RGS22: variants seen among roughly 807,000 people sequenced by gnomAD.
RGS22 encodes regulator of G-protein signaling 22.
In RGS22, 148 loss-of-function variants were observed where a neutral mutation model predicts 172.9. That is an observed-to-expected ratio of 0.86 (90% confidence interval 0.75 to 0.98). RGS22 has a LOEUF of 0.98. Ranked by LOEUF, RGS22 falls within the 50% of genes least tolerant of loss-of-function variation. The pLI is 0.00. For missense variants in RGS22, 1,347 were observed against 1,440.8 expected (o/e 0.93, Z 1.05); for synonymous variants, 458 against 480.2 (o/e 0.95, Z 0.60).
chr8:100,034,277 C>T (rs1366595377), intron 14 of RGS22, among the ~76,000 whole-genome samples: 1 of 152,126 alleles, frequency 6.6e-6, no homozygotes, highest in Non-Finnish European at 1.5e-5. Flanking sequence ...TCTCAGGATA[C>T]AAAATCAATG....
chr8:100,011,226 A>G (rs919376031), intron 14 of RGS22, among the ~76,000 whole-genome samples: 1 of 152,238 alleles, frequency 6.6e-6, no homozygotes, highest in African/African-American at 2.4e-5. Context: ...ATTTTTACTT[A>G]AAGATATAAT....
rs139462956 is a variant in RGS22 at position 99,996,239 on chromosome 8, A to G, written c.3018+223T>C. 9.1e-3 allele frequency among the ~76,000 whole-genome samples: 1,388 copies of G among 152,294 alleles called. 17 individuals are homozygous for G. The highest frequency in any genetic ancestry group is 0.011 in the Non-Finnish European group (747 of 68,022). On this transcript the variant is annotated intron_variant, in intron 20 of 27. Transcript: ENST00000360863. ...TCAAACGTACACGTTGTGCACATGT[A>G]CCCTAGAACTTAAAGTATGTATATA...
At chr8:100,024,374 C>G (rs763359311) in intron 14 of RGS22, among the ~76,000 whole-genome samples, 1 of 147,290 alleles carries the variant, frequency 6.8e-6, no homozygotes, top group Non-Finnish European at 1.5e-5. Context: ...AATAAAAACA[C>G]TCAGCTGGCT....
intron 4 of RGS22, among the ~76,000 whole-genome samples, chr8:100,076,961 C>T (rs1162428108): frequency 6.6e-6 from 1 of 151,814 alleles, no homozygotes; most frequent in Non-Finnish European, 1.5e-5. Context: ...CCACTGCACT[C>T]CAGCCAGGGC....
chr8:99,964,274 G>A lies in RGS22; in HGVS notation c.3615+1061C>T, dbSNP rs191043804. On this transcript the variant is annotated intron_variant, in intron 24 of 27. Transcript: ENST00000360863. ...TTGAGAGCAGCCTGGGCAACATGGC[G>A]AAACCTCATCTCTATAAAAAATACA... Among the ~76,000 whole-genome samples, 651 of 152,118 alleles carry A rather than the reference G, an allele frequency of 4.3e-3. 7 individuals carry two copies. Among genetic ancestry groups the A allele is most frequent in the African/African-American group, 0.014 (595 of 41,520 alleles).
At chr8:100,062,110 A>C (rs562865513) in intron 9 of RGS22, among the ~76,000 whole-genome samples, 1 of 152,274 alleles carries the variant, frequency 6.6e-6, no homozygotes, top group African/African-American at 2.4e-5. Flanking sequence ...GAACACATGG[A>C]TACACAGAGG....
chr8:100,029,765 C>T (rs1357650565), intron 14 of RGS22, among the ~76,000 whole-genome samples: 3 of 144,906 alleles, frequency 2.1e-5, no homozygotes, highest in Non-Finnish European at 4.6e-5. Flanking sequence ...ATGTAAAAAA[C>T]CTGCATGCTC....
intron 14 of RGS22, among the ~76,000 whole-genome samples, chr8:100,011,606 T>G (rs1816394365): frequency 6.6e-6 from 1 of 152,164 alleles, no homozygotes; most frequent in Non-Finnish European, 1.5e-5. Context: ...GTTCAGGACC[T>G]GTCAGTGGGG....
At chr8:100,006,261 G>C in intron 15 of RGS22, 152 bp from the exon 16 acceptor site, 1 of 608,998 alleles carries the variant, frequency 1.6e-6, no homozygotes, top group East Asian at 2.9e-5. Flanking sequence ...GCTACAGCAG[G>C]GTCACACTTC....
In RGS22 at chr8:99,982,071, T is replaced by C. The variant is rs750896365; in HGVS notation, c.3226A>G (p.Ile1076Val). The change falls in exon 22 of 28, where the codon ATT becomes GTT. Residue 1076 changes from isoleucine (I) to valine (V), a missense_variant. Coordinates refer to ENST00000360863, the MANE Select transcript of RGS22 (RefSeq NM_015668.5). ...HCDESVIQKK[I>V]TTIINCFINS... Reference sequence around the variant, plus strand: ...ATAAAGCAGTTGATAATAGTTGTAATCTTCTTCTGGATGACAGACTCATCA... The same window carrying C: ...ATAAAGCAGTTGATAATAGTTGTAACCTTCTTCTGGATGACAGACTCATCA... 5 of 1,613,838 alleles carry C rather than the reference T, an allele frequency of 3.1e-6. No homozygotes were observed. Among genetic ancestry groups the C allele is most frequent in the Non-Finnish European group, 3.4e-6 (4 of 1,179,840 alleles).
At chr8:100,075,949 C>T (rs1563705260) in intron 4 of RGS22, among the ~76,000 whole-genome samples, 2 of 152,020 alleles carry the variant, frequency 1.3e-5, no homozygotes, top group African/African-American at 2.4e-5. Flanking sequence ...TAGTGTCCCA[C>T]TGTGATTTTG....
chr8:100,077,870 A>G (rs1049759542), intron 4 of RGS22, among the ~76,000 whole-genome samples: 1 of 152,052 alleles, frequency 6.6e-6, no homozygotes, highest in South Asian at 2.1e-4. Flanking sequence ...CATTTCTATC[A>G]GCTTTTGCAT....
At chr8:100,012,544 C>T (rs1056744758) in intron 14 of RGS22, among the ~76,000 whole-genome samples, 9 of 150,950 alleles carry the variant, frequency 6.0e-5, no homozygotes, top group Non-Finnish European at 1.2e-4. Flanking sequence ...ATGGTGCCAC[C>T]GTACTCCAGA....
intron 6 of RGS22, among the ~76,000 whole-genome samples, chr8:100,068,443 A>G (rs1332756128): frequency 6.6e-6 from 1 of 152,184 alleles, no homozygotes; most frequent in Non-Finnish European, 1.5e-5. Context: ...GTGAATACAA[A>G]TGAGTTTTTT....
At chr8:100,014,382 C>T (rs1264344165) in intron 14 of RGS22, among the ~76,000 whole-genome samples, 1 of 152,164 alleles carries the variant, frequency 6.6e-6, no homozygotes, top group Non-Finnish European at 1.5e-5. Flanking sequence ...CTACTTCTTA[C>T]ACTACTTCTC....
At chr8:100,008,807 C>T (rs1236612246) in intron 14 of RGS22, among the ~76,000 whole-genome samples, 2 of 152,138 alleles carry the variant, frequency 1.3e-5, no homozygotes, top group Admixed American at 1.3e-4. Context: ...TCTCAGATTA[C>T]AAAAATCTGA....
chr8:100,013,587 A>G (rs928623881), intron 14 of RGS22, among the ~76,000 whole-genome samples: 1 of 152,150 alleles, frequency 6.6e-6, no homozygotes, highest in African/African-American at 2.4e-5. Context: ...GATTGTATCC[A>G]ATTGCCTTGG....
intron 15 of RGS22, among the ~76,000 whole-genome samples, chr8:100,007,374 C>T (rs1361506717): frequency 6.6e-6 from 1 of 152,038 alleles, no homozygotes; most frequent in Non-Finnish European, 1.5e-5. Context: ...TGCCTCCACC[C>T]GTTAATAAAA....
In RGS22 at chr8:100,002,410, T is replaced by C. The variant is rs769681760; in HGVS notation, c.2628-46A>G. 2.5e-5 allele frequency: 39 copies of C among 1,541,462 alleles called. No individual in the cohort carries two copies. The African/African-American group carries it at 5.1e-4, about 20-fold the overall frequency. On this transcript the variant is annotated intron_variant, in intron 17 of 27. Coordinates refer to ENST00000360863, the MANE Select transcript of RGS22 (RefSeq NM_015668.5). ...ATGTATAGCTCTTCATATTTCTTCCTCTAAATTCTAGTAAACACCCGATTG... is the reference window on the plus strand; with the variant it reads ...ATGTATAGCTCTTCATATTTCTTCCCCTAAATTCTAGTAAACACCCGATTG...
Sources: gnomAD v4.1 joint callset for allele counts (sites outside exome capture counted in the v4.1 genomes callset) on GRCh38, gnomAD v4.1.1 for gene constraint, MANE v1.5 for transcripts, NCBI Gene and HGNC (gene_info 2026-07-23, HGNC 2026-07-21) for gene names.